Variants in ANXA5 observed in about 807,000 individuals in gnomAD.
ANXA5 encodes annexin A5, also known as CBP-I.
Under a neutral mutation model 48.1 loss-of-function variants are expected in ANXA5, and 40 were observed. The observed-to-expected ratio is 0.83, with a 90% CI of 0.65 to 1.08. The LOEUF (loss-of-function observed/expected upper bound fraction) is 1.08, where lower values mean the gene tolerates loss of function less well. ANXA5 is among the 50% of genes least tolerant of loss of function. The probability of loss-of-function intolerance (pLI) is 0.00; values close to 1 mark genes in which losing one functional copy is unlikely to be tolerated. For missense variants in ANXA5, 357 were observed against 376.8 expected (o/e 0.95, Z 0.44); for synonymous variants, 113 against 129.1 (o/e 0.88, Z 0.85).
intron 2 of ANXA5, among the ~76,000 whole-genome samples, chr4:121,694,252 A>AAT (rs935746873): frequency 2.3e-4 from 33 of 144,648 alleles, no homozygotes; most frequent in African/African-American, 7.4e-4. Context: ...GTATAATAAA[A>AAT]ATATATATAT....
chr4:121,671,528 T>C lies in ANXA5; in HGVS notation c.721+19A>G. ...TAGCTCTTACCACCAAAAATATCAA[T>C]ACATTGTAAATCACCTACCAACAGC... On this transcript the variant is annotated intron_variant, in intron 10 of 12. Transcript: ENST00000296511. 1 of 1,575,236 alleles carries C rather than the reference T, an allele frequency of 6.3e-7. No homozygotes were observed. Among genetic ancestry groups the C allele is most frequent in the Non-Finnish European group, 8.7e-7 (1 of 1,144,816 alleles).
chr4:121,674,362 G>A (rs1724663348), intron 8 of ANXA5, among the ~76,000 whole-genome samples: 1 of 151,774 alleles, frequency 6.6e-6, no homozygotes, highest in Admixed American at 6.6e-5. Context: ...GAAAGAGAAA[G>A]GAAAGAAAAG....
intron 2 of ANXA5, among the ~76,000 whole-genome samples, chr4:121,692,986 C>A (rs1725011589): frequency 6.6e-6 from 1 of 152,210 alleles, no homozygotes; most frequent in Non-Finnish European, 1.5e-5. Flanking sequence ...GTAATCCCAG[C>A]ACTTTGGGAG....
At position 121,684,728 on chromosome 4, in the gene ANXA5, A is replaced by G; in HGVS notation, c.138T>C (p.Ser46=). ...CAGAGATTTCCTGGCGCTGAGCATTACTTCGGGATGTCAACAGAGTCAGGA... is the reference window on the plus strand; with the variant it reads ...CAGAGATTTCCTGGCGCTGAGCATTGCTTCGGGATGTCAACAGAGTCAGGA... ...ESILTLLTSR[S]NAQRQEISAA... is the part of the protein sequence containing the mutation. The change falls in exon 4 of 13, where the codon AGT becomes AGC. Residue 46 remains serine (S), a synonymous_variant. Transcript: ENST00000296511. 2 of 1,614,086 alleles carry G rather than the reference A, an allele frequency of 1.2e-6. No individual in the cohort carries two copies. Among genetic ancestry groups the G allele is most frequent in the Non-Finnish European group, 1.7e-6 (2 of 1,179,978 alleles).
chr4:121,678,600 T>C (rs3733649), intron 6 of ANXA5, 106 bp from the exon 7 acceptor site: 421,259 of 928,974 alleles, frequency 0.45, 102,274 homozygotes, highest in East Asian at 0.73. Context: ...ATAATTATAT[T>C]TGGTTAACAT....
At position 121,671,541 on chromosome 4, in the gene ANXA5, A is replaced by G. The variant is rs964993141; in HGVS notation, c.721+6T>C. The G allele has an allele frequency of 6.2e-7, 1 of 1,602,532 alleles. No individual in the cohort carries two copies. Among genetic ancestry groups the G allele is most frequent in the African/African-American group, 1.3e-5 (1 of 74,680 alleles). ...CAAAAATATCAATACATTGTAAATCACCTACCAACAGCAAGGAGTAGTTGC... is the reference window on the plus strand; with the variant it reads ...CAAAAATATCAATACATTGTAAATCGCCTACCAACAGCAAGGAGTAGTTGC... On this transcript the variant is annotated splice_donor_region_variant and intron_variant, in intron 10 of 12. Coordinates refer to ENST00000296511, the MANE Select transcript of ANXA5 (RefSeq NM_001154.4).
Position 121,669,728 on chromosome 4 carries a change from TAAA to T in ANXA5, c.781-7_781-5del, listed in dbSNP as rs71599153. On this transcript the variant is annotated splice_region_variant and splice_polypyrimidine_tract_variant and intron_variant, in intron 11 of 12. Transcript: ENST00000296511. ...TATGATCATCTGTCCCAGCTCCCTTTAAAAAAAAAAAAAAAGAGAGAAGCAAAA... is the reference window on the plus strand; with the variant it reads ...TATGATCATCTGTCCCAGCTCCCTTTAAAAAAAAAAAAGAGAGAAGCAAAA... 94 of 1,501,784 alleles carry T rather than the reference TAAA, an allele frequency of 6.3e-5. No homozygotes were observed. The highest frequency in any genetic ancestry group is 2.9e-4 in the Admixed American group (13 of 45,144). 93.0% of individuals were successfully genotyped at this position (1,501,784 alleles called of 1,614,324 possible).
intron 2 of ANXA5, among the ~76,000 whole-genome samples, chr4:121,686,623 G>C (rs1724895581): frequency 6.6e-6 from 1 of 152,132 alleles, no homozygotes; most frequent in Non-Finnish European, 1.5e-5. Context: ...CCTCTTCTCT[G>C]TGACGAAACC....
intron 8 of ANXA5, among the ~76,000 whole-genome samples, chr4:121,674,094 T>C (rs185251007): frequency 1.1e-4 from 16 of 149,502 alleles, no homozygotes; most frequent in Admixed American, 8.7e-4. Context: ...GGCAAGAGAA[T>C]TGTTTGAACC....
In ANXA5 at chr4:121,669,728, T is replaced by TAAAA; in HGVS notation, c.781-8_781-5dup. On this transcript the variant is annotated splice_region_variant and splice_polypyrimidine_tract_variant and intron_variant, in intron 11 of 12. Coordinates refer to ENST00000296511, the MANE Select transcript of ANXA5 (RefSeq NM_001154.4). ...TATGATCATCTGTCCCAGCTCCCTT[T>TAAAA]AAAAAAAAAAAAAAAGAGAGAAGCA... The TAAAA allele has an allele frequency of 3.3e-6, 5 of 1,502,886 alleles. No individual in the cohort carries two copies. The highest frequency in any genetic ancestry group is 1.3e-5 in the South Asian group (1 of 79,302). The allele number at this position is 1,502,886 out of a possible 1,614,324, so 93.1% of individuals were successfully genotyped here.
chr4:121,669,793 G>A (rs541155554), intron 11 of ANXA5, 69 bp from the exon 12 acceptor site: 96 of 1,550,200 alleles, frequency 6.2e-5, no homozygotes, highest in South Asian at 2.5e-4. Flanking sequence ...AAATGCTCCC[G>A]GGTGCGGGTG....
rs1578446752 is a variant in ANXA5, at chr4:121,686,316, T to G, written c.66A>C (p.Glu22Asp). The G allele has an allele frequency of 1.9e-6, 3 of 1,614,124 alleles. No individual in the cohort carries two copies. In the African/African-American group the frequency reaches 4.0e-5, roughly 22 times the overall value. Reference sequence around the variant, plus strand: ...AGCCTTTCATAGCCTTCCGAAGAGTTTCTGCATCAGCCCGCTCATCAAATC... The same window carrying G: ...AGCCTTTCATAGCCTTCCGAAGAGTGTCTGCATCAGCCCGCTCATCAAATC... ...FPGFDERADAETLRKAMKGLG... is the reference protein window; with the variant it reads ...FPGFDERADADTLRKAMKGLG... Residue 22 changes from glutamate to aspartate, a missense_variant, in exon 3 of 13, where the codon GAA becomes GAC. Glu to Asp is a conservative substitution (Grantham distance 45). Transcript: ENST00000296511.
At chr4:121,688,123 C>T (rs1724923660) in intron 2 of ANXA5, among the ~76,000 whole-genome samples, 1 of 152,148 alleles carries the variant, frequency 6.6e-6, no homozygotes. Flanking sequence ...CCTCTCTCTG[C>T]TCTGTCACGT....
chr4:121,684,156 A>C (rs1257552378), intron 4 of ANXA5, among the ~76,000 whole-genome samples: 2 of 152,226 alleles, frequency 1.3e-5, no homozygotes, highest in Non-Finnish European at 2.9e-5. Flanking sequence ...ACTACATTTA[A>C]GTTTTCCATG....
rs753458508 is a variant in ANXA5 at position 121,678,458 on chromosome 4, T to TC, written c.430dup (p.Asp144GlyfsTer17). 2.5e-6 allele frequency: 4 copies of TC among 1,613,746 alleles called. No individual in the cohort carries two copies. In the South Asian group the frequency reaches 4.4e-5, roughly 18 times the overall value. On this transcript the variant is annotated frameshift_variant, in exon 7 of 13. Coordinates refer to ENST00000296511, the MANE Select transcript of ANXA5 (RefSeq NM_001154.4). LOFTEE classifies it high-confidence loss of function. ...CATCCGCTGGTAGTACCCTGAAGTG[T>TC]CCCCCACCACGTCATCTTCCAGGCT...
intron 8 of ANXA5, among the ~76,000 whole-genome samples, chr4:121,676,928 T>C (rs1724708457): frequency 6.6e-6 from 1 of 152,098 alleles, no homozygotes; most frequent in African/African-American, 2.4e-5. Flanking sequence ...CTGGACACAA[T>C]TGGCTTGCAT....
At chr4:121,687,488 T>A (rs1028612507) in intron 2 of ANXA5, among the ~76,000 whole-genome samples, 8 of 152,084 alleles carry the variant, frequency 5.3e-5, no homozygotes, top group African/African-American at 1.4e-4. Context: ...AACAAACAGC[T>A]AAAAGGACTG....
At chr4:121,668,608 T>A (rs1344229079) in intron 12 of ANXA5, 81 bp from the exon 13 acceptor site, 1 of 1,195,310 alleles carries the variant, frequency 8.4e-7, no homozygotes, top group East Asian at 2.3e-5. Flanking sequence ...TGGCAACAAA[T>A]TTTATTCATA....
chr4:121,687,236 C>A (rs1724908272), intron 2 of ANXA5, among the ~76,000 whole-genome samples: 1 of 149,404 alleles, frequency 6.7e-6, no homozygotes, highest in Non-Finnish European at 1.5e-5. Context: ...GGAGGCGGAG[C>A]TTGCAGTGAG....
Sources: allele counts gnomAD v4.1 joint callset (sites outside exome capture counted in the v4.1 genomes callset), GRCh38; gene constraint gnomAD v4.1.1; transcripts MANE v1.5; gene names NCBI Gene and HGNC (gene_info 2026-07-23, HGNC 2026-07-21).